Variants in FAM117A observed in about 807,000 individuals in gnomAD.
FAM117A encodes protein FAM117A.
FAM117A carries 21 observed loss-of-function variants against 44.1 expected under a neutral mutation model. The ratio of observed to expected loss-of-function variants is 0.48; its 90% CI spans 0.34 to 0.69. The LOEUF (loss-of-function observed/expected upper bound fraction) is 0.69. Among genes scored for constraint, FAM117A ranks in the 30% least tolerant of loss-of-function variants. The pLI is 0.01. For missense variants in FAM117A, 498 were observed against 589.9 expected (o/e 0.84, Z 1.61); for synonymous variants, 220 against 238.3 (o/e 0.92, Z 0.71).
rs1259796236 is a variant in FAM117A at position 49,717,633 on chromosome 17, G to T, written c.790C>A (p.Pro264Thr). Residue 264 changes from proline to threonine, a missense_variant, in exon 6 of 8, where the codon CCT becomes ACT. Pro to Thr is a conservative substitution (Grantham distance 38). Around this residue, in one of 3 missense-constraint regions of FAM117A, gnomAD observed 224 missense variants for 296.5 expected, o/e 0.76. Transcript: ENST00000240364. The stretch of plus-strand genomic sequence containing the variant: ...GAAGGAGAGCTGGCAAGGTTGCCAG[G>T]CTCCAGGAGGAGGAGGGGATGATCA... ...SCDHPLLLLE[P>T]GNLASSPSMS... 1.2e-6 allele frequency: 2 copies of T among 1,614,012 alleles called. No homozygotes were observed. The highest frequency in any genetic ancestry group is 1.7e-6 in the Non-Finnish European group (2 of 1,179,996).
At chr17:49,732,513 T>TCCTTATC (rs758962349) in intron 2 of FAM117A, 38 bp downstream of exon 2, 17 of 1,608,772 alleles carry the variant, frequency 1.1e-5, no homozygotes, top group African/African-American at 2.7e-5. Flanking sequence ...TCCCGCCCCA[T>TCCTTATC]CCTTATCCCT....
intron 2 of FAM117A, among the ~76,000 whole-genome samples, chr17:49,726,431 C>T (rs1567828226): frequency 6.6e-6 from 1 of 152,186 alleles, no homozygotes; most frequent in Non-Finnish European, 1.5e-5. Flanking sequence ...AGGCTGGTCT[C>T]GAACTCCTGA....
At chr17:49,751,014 G>A (rs1048941827) in intron 1 of FAM117A, among the ~76,000 whole-genome samples, 2 of 151,552 alleles carry the variant, frequency 1.3e-5, no homozygotes, top group East Asian at 2.0e-4. Context: ...GTACAATGGC[G>A]CACGCCTATA....
intron 1 of FAM117A, among the ~76,000 whole-genome samples, chr17:49,734,315 G>A (rs548686299): frequency 2.6e-5 from 4 of 152,022 alleles, no homozygotes; most frequent in East Asian, 1.9e-4. Flanking sequence ...CACTAGGGCC[G>A]GGCGCAGTGG....
chr17:49,788,692 C>T, upstream of FAM117A: 1 of 895,260 alleles, frequency 1.1e-6, no homozygotes, highest in East Asian at 3.2e-5. Flanking sequence ...CAGAACGCTC[C>T]AGACGCTGAG....
At chr17:49,719,567 C>T in intron 5 of FAM117A, 193 bp downstream of exon 5, 1 of 632,058 alleles carries the variant, frequency 1.6e-6, no homozygotes, top group East Asian at 3.3e-5. Flanking sequence ...CAAAGCCTGC[C>T]CTAGTGACAT....
At chr17:49,736,148 G>A (rs765583763) in intron 1 of FAM117A, among the ~76,000 whole-genome samples, 9 of 151,776 alleles carry the variant, frequency 5.9e-5, no homozygotes, top group Non-Finnish European at 8.8e-5. Flanking sequence ...GTATTGTTTT[G>A]TTATGTTTTT....
upstream of FAM117A, among the ~76,000 whole-genome samples, chr17:49,767,752 A>C (rs2073749326): frequency 6.6e-6 from 1 of 152,060 alleles, no homozygotes; most frequent in Admixed American, 6.5e-5. Context: ...AAAATACAAA[A>C]AATTAGCCGG....
intron 4 of FAM117A, 139 bp downstream of exon 4, chr17:49,720,187 C>G (rs1020521179): frequency 2.2e-5 from 16 of 727,734 alleles, no homozygotes; most frequent in South Asian, 9.2e-5. Context: ...CACAGCAAGA[C>G]CAAGTTTGGA....
intron 1 of FAM117A, among the ~76,000 whole-genome samples, chr17:49,781,719 G>A (rs538423603): frequency 6.6e-6 from 1 of 152,326 alleles, no homozygotes; most frequent in Admixed American, 6.5e-5. Flanking sequence ...GCTCAGGCTT[G>A]TAATCCTAGC....
chr17:49,720,666 A>G (rs1164502887), intron 3 of FAM117A, among the ~76,000 whole-genome samples: 2 of 152,234 alleles, frequency 1.3e-5, no homozygotes, highest in African/African-American at 4.8e-5. Context: ...CAAATAATTA[A>G]AAATATACAA....
chr17:49,715,897 T>C (rs2073500544), intron 7 of FAM117A, among the ~76,000 whole-genome samples: 1 of 152,154 alleles, frequency 6.6e-6, no homozygotes, highest in Non-Finnish European at 1.5e-5. Context: ...AACAAAGGGC[T>C]TAGGTTTCAG....
At chr17:49,755,176 T>C (rs2073693997) in intron 1 of FAM117A, among the ~76,000 whole-genome samples, 1 of 152,190 alleles carries the variant, frequency 6.6e-6, no homozygotes. Context: ...AAGCATCTCT[T>C]TCTTGCACTT....
In FAM117A at chr17:49,710,513, G is replaced by C. The variant is rs1482070274; in HGVS notation, c.*742C>G. ...AATAGTGTCTTTGGGAGAAAATAGAGTCTCTACATCGATACAAGAAAAATA... is the reference window on the plus strand; with the variant it reads ...AATAGTGTCTTTGGGAGAAAATAGACTCTCTACATCGATACAAGAAAAATA... On this transcript the variant is annotated 3_prime_UTR_variant, in exon 8 of 8. Coordinates refer to ENST00000240364, the MANE Select transcript of FAM117A (RefSeq NM_030802.4). 6.6e-6 allele frequency: 1 copy of C among 152,592 alleles called. No individual in the cohort carries two copies. The allele number at this position is 152,592 out of a possible 1,614,324, so 9.5% of individuals were successfully genotyped here.
intron 5 of FAM117A, 93 bp downstream of exon 5, chr17:49,719,667 G>T: frequency 7.0e-7 from 1 of 1,418,890 alleles, no homozygotes; most frequent in Non-Finnish European, 9.3e-7. Flanking sequence ...GCCATAGCCT[G>T]TGAGGCCCCA....
intron 1 of FAM117A, among the ~76,000 whole-genome samples, chr17:49,784,636 G>A (rs931080530): frequency 1.3e-5 from 2 of 152,124 alleles, no homozygotes; most frequent in Non-Finnish European, 1.5e-5. Flanking sequence ...CTTGTTTACT[G>A]GCAAACATTC....
chr17:49,722,990 T>C (rs2073542457), intron 2 of FAM117A, among the ~76,000 whole-genome samples: 1 of 152,110 alleles, frequency 6.6e-6, no homozygotes, highest in Non-Finnish European at 1.5e-5. Flanking sequence ...GCCCTCTACA[T>C]GTGTAGCACA....
At chr17:49,717,017 CT>C (rs2073507512) in intron 6 of FAM117A, among the ~76,000 whole-genome samples, 1 of 152,024 alleles carries the variant, frequency 6.6e-6, no homozygotes, top group Non-Finnish European at 1.5e-5. Flanking sequence ...GGAATTTCAT[CT>C]CATTTTCTCA....
At chr17:49,774,273 G>A (rs778529498) in intron 1 of FAM117A, among the ~76,000 whole-genome samples, 16 of 151,654 alleles carry the variant, frequency 1.1e-4, no homozygotes, top group Non-Finnish European at 2.2e-4. Flanking sequence ...CTCAGCCTCC[G>A]GAGTAGCTGG....
Sources: gnomAD v4.1 joint callset for allele counts (sites outside exome capture counted in the v4.1 genomes callset) on GRCh38, gnomAD v4.1.1 for gene constraint, gnomAD v4.1.1 regional missense constraint, MANE v1.5 for transcripts, NCBI Gene and HGNC (gene_info 2026-07-23, HGNC 2026-07-21) for gene names.